The following CDH11 variants were observed in gnomAD, a reference collection of about 807,000 sequenced individuals.
The protein encoded by CDH11 is cadherin-11.
In CDH11, 11 loss-of-function variants were observed where a neutral mutation model predicts 67.8. The observed-to-expected ratio is 0.16, with a 90% CI of 0.10 to 0.27. CDH11 has a LOEUF of 0.27. Ranked by LOEUF, CDH11 falls within the 10% of genes least tolerant of loss-of-function variation. The pLI is 1.00. For synonymous variants in CDH11, 419 were observed against 400.0 expected (o/e 1.05, Z -0.57); for missense variants, 847 against 1,031.2 (o/e 0.82, Z 2.45).
intron 2 of CDH11, among the ~76,000 whole-genome samples, chr16:65,039,067 CATT>C (rs1356157337): frequency 6.6e-6 from 1 of 152,158 alleles, no homozygotes; most frequent in African/African-American, 2.4e-5. Flanking sequence ...AGTCCAGCCC[CATT>C]ATTTCCCACC....
chr16:64,958,410 A>G (rs141632701), intron 11 of CDH11, among the ~76,000 whole-genome samples: 1 of 43,956 alleles, frequency 2.3e-5, no homozygotes, highest in Admixed American at 3.2e-4. Context: ...TTCTGTTATT[A>G]TTATTTAAAT....
At chr16:65,013,225 T>G (rs2073219024) in intron 2 of CDH11, among the ~76,000 whole-genome samples, 1 of 152,136 alleles carries the variant, frequency 6.6e-6, no homozygotes, top group Admixed American at 6.6e-5. Context: ...GAATCGTGCC[T>G]TCTGGGGCTA....
intron 1 of CDH11, among the ~76,000 whole-genome samples, chr16:65,108,721 T>A (rs1015965394): frequency 2.6e-5 from 4 of 152,024 alleles, no homozygotes; most frequent in Admixed American, 6.6e-5. Context: ...CTTTAATGAG[T>A]AGACAATTGA....
intron 1 of CDH11, among the ~76,000 whole-genome samples, chr16:65,119,974 T>C (rs2075298548): frequency 6.6e-6 from 1 of 152,156 alleles, no homozygotes; most frequent in Non-Finnish European, 1.5e-5. Flanking sequence ...ACTCTAAAAC[T>C]TGGAATCAGA....
intron 8 of CDH11, among the ~76,000 whole-genome samples, chr16:64,979,626 A>G (rs1455676429): frequency 1.3e-5 from 2 of 152,212 alleles, no homozygotes; most frequent in Non-Finnish European, 2.9e-5. Flanking sequence ...TTGATAAGAA[A>G]GTAAAATGGT....
chr16:64,971,272 G>T (rs370307657), intron 11 of CDH11, among the ~76,000 whole-genome samples: 5 of 152,010 alleles, frequency 3.3e-5, no homozygotes, highest in Non-Finnish European at 5.9e-5. Context: ...TCCCCCAAGG[G>T]TTTATCAACC....
intron 11 of CDH11, among the ~76,000 whole-genome samples, chr16:64,957,146 CACTCAGCAGCTTCCCTAAGGCTCTGCA>C (rs1441902828): frequency 6.6e-6 from 1 of 152,178 alleles, no homozygotes; most frequent in Non-Finnish European, 1.5e-5. Context: ...CGGCATCAGT[CACTCAGCAGCTTCCCTAAGGCTCTGCA>C]GATGCTCTTC....
rs1367117882 is a variant in CDH11 at position 64,972,888 on chromosome 16, TGAG to T, written c.1390+13_1390+15del. The T allele has an allele frequency of 2.5e-6, 4 of 1,612,942 alleles. No homozygotes were observed. Among genetic ancestry groups the T allele is most frequent in the African/African-American group, 2.7e-5 (2 of 74,958 alleles). On this transcript the variant is annotated intron_variant, in intron 9 of 12. Transcript: ENST00000268603. The stretch of plus-strand genomic sequence containing the variant: ...ACTTGGTAAAGTAGAATCAAAACCA[TGAG>T]GAGAATACTTACGGATTTCTGCTGC...
intron 2 of CDH11, among the ~76,000 whole-genome samples, chr16:65,018,848 T>C (rs1320938984): frequency 1.3e-5 from 2 of 152,196 alleles, no homozygotes; most frequent in African/African-American, 4.8e-5. Context: ...TGTATCTGAC[T>C]ATAAACCATC....
rs766154909 is a variant in CDH11 at position 64,982,201 on chromosome 16, G to A, written c.1100C>T (p.Thr367Ile). The change falls in exon 8 of 13, where the codon ACT becomes ATT. Residue 367 changes from threonine to isoleucine, a missense_variant. Transcript: ENST00000268603. Reference sequence around the variant, plus strand: ...TTCTACTGAGATCTTGACGGTCACAGTGTCCTTGAAAGGGCCATTGCTGAT... The same window carrying A: ...TTCTACTGAGATCTTGACGGTCACAATGTCCTTGAAAGGGCCATTGCTGAT... ...KFISNGPFKD[T>I]VTVKISVEDA... 2 of 1,614,076 alleles carry A rather than the reference G, an allele frequency of 1.2e-6. No individual in the cohort carries two copies. The highest frequency in any genetic ancestry group is 1.7e-6 in the Non-Finnish European group (2 of 1,179,952).
intron 6 of CDH11, among the ~76,000 whole-genome samples, chr16:64,990,902 G>T (rs1257507878): frequency 6.6e-6 from 1 of 152,072 alleles, no homozygotes; most frequent in Non-Finnish European, 1.5e-5. Context: ...CTATTAATTA[G>T]GTACTGTGGA....
intron 11 of CDH11, among the ~76,000 whole-genome samples, chr16:64,952,382 C>A (rs1405370537): frequency 2.0e-5 from 3 of 152,178 alleles, no homozygotes; most frequent in Admixed American, 2.0e-4. Context: ...ATCTCAGTCT[C>A]TCCAAGGCCA....
intron 1 of CDH11, chr16:65,094,725 T>C (rs975188158): frequency 4.6e-5 from 7 of 152,104 alleles, no homozygotes; most frequent in Non-Finnish European, 8.8e-5. Flanking sequence ...TATAAAAGAA[T>C]AGGATTAATG....
chr16:64,962,244 GA>G (rs2071692227), intron 11 of CDH11, among the ~76,000 whole-genome samples: 1 of 151,956 alleles, frequency 6.6e-6, no homozygotes, highest in Non-Finnish European at 1.5e-5. Context: ...AATAAAATTA[GA>G]ACAGATTCAG....
At chr16:65,050,682 T>A (rs776847598) in intron 2 of CDH11, among the ~76,000 whole-genome samples, 9 of 152,336 alleles carry the variant, frequency 5.9e-5, no homozygotes, top group Middle Eastern at 3.4e-3. Flanking sequence ...GTTTTATGTT[T>A]TGTTTTGTTT....
intron 11 of CDH11, among the ~76,000 whole-genome samples, chr16:64,967,360 G>A (rs1031987928): frequency 1.1e-4 from 16 of 152,214 alleles, no homozygotes; most frequent in Admixed American, 8.5e-4. Context: ...TGGGGCTGCA[G>A]GTGCACACCG....
rs377132363 is a variant in CDH11, at chr16:65,096,406, GGTGTGT to G, written c.-298+25468_-298+25473del. Among the ~76,000 whole-genome samples the G allele has an allele frequency of 3.3e-3, 446 of 134,018 alleles. 1 individual carries two copies. The highest frequency in any genetic ancestry group is 0.012 in the Middle Eastern group (3 of 258). 87.9% of individuals were successfully genotyped at this position (134,018 alleles called of 152,430 possible). ...CAATCTCTTACCATAAATCTTTCGGGGTGTGTGTGTGTGTGTGTGTGTGTGTGTGTG... is the reference window on the plus strand; with the variant it reads ...CAATCTCTTACCATAAATCTTTCGGGGTGTGTGTGTGTGTGTGTGTGTGTG... On this transcript the variant is annotated intron_variant, in intron 1 of 12. Coordinates refer to ENST00000268603, the MANE Select transcript of CDH11 (RefSeq NM_001797.4).
chr16:64,965,307 G>T (rs1291752573), intron 11 of CDH11, among the ~76,000 whole-genome samples: 1 of 150,500 alleles, frequency 6.6e-6, no homozygotes, highest in Non-Finnish European at 1.5e-5. Context: ...GCTAAAATAC[G>T]CGAGGTGGAG....
intron 2 of CDH11, among the ~76,000 whole-genome samples, chr16:65,037,678 C>T (rs2073780442): frequency 6.6e-6 from 1 of 152,078 alleles, no homozygotes; most frequent in South Asian, 2.1e-4. Context: ...TTACTTGGCC[C>T]TTGGGACCGT....
Sources: gnomAD v4.1 joint callset for allele counts (sites outside exome capture counted in the v4.1 genomes callset) on GRCh38, gnomAD v4.1.1 for gene constraint, MANE v1.5 for transcripts, NCBI Gene and HGNC (gene_info 2026-07-23, HGNC 2026-07-21) for gene names.